Variants in NALCN observed in about 807,000 individuals in gnomAD.
The protein encoded by NALCN is sodium leak channel, non-selective, also known as sodium leak channel NALCN.
NALCN carries 111 observed loss-of-function variants against 225.3 expected under a neutral mutation model. The observed-to-expected ratio is 0.49, with a 90% confidence interval of 0.42 to 0.58. The LOEUF (loss-of-function observed/expected upper bound fraction) is 0.58, where lower values mean the gene tolerates loss of function less well. Among genes scored for constraint, NALCN ranks in the 20% least tolerant of loss-of-function variants. The probability of loss-of-function intolerance (pLI) is 0.00; values close to 1 mark genes in which losing one functional copy is unlikely to be tolerated. For synonymous variants in NALCN, 764 were observed against 769.0 expected (o/e 0.99, Z 0.11); for missense variants, 1,378 against 2,202.4 (o/e 0.63, Z 7.49).
chr13:101,385,372 T>G (rs1253628855), intron 3 of NALCN, among the ~76,000 whole-genome samples: 1 of 152,164 alleles, frequency 6.6e-6, no homozygotes, highest in African/African-American at 2.4e-5. Context: ...GCAGACAGTT[T>G]TGGTCCTTTT....
chr13:101,346,087 C>CTCTCTCTCTCTCTCTCTCTCTA lies in NALCN; in HGVS notation c.645-668_645-667insTAGAGAGAGAGAGAGAGAGAGA. Among the ~76,000 whole-genome samples the CTCTCTCTCTCTCTCTCTCTCTA allele has an allele frequency of 5.2e-4, 37 of 70,958 alleles. 1 individual carries two copies. Among genetic ancestry groups the CTCTCTCTCTCTCTCTCTCTCTA allele is most frequent in the East Asian group, 2.5e-3 (6 of 2,390 alleles). The allele number at this position is 70,958 out of a possible 152,430, so 46.6% of individuals were successfully genotyped here. ...TCTCTCTCTCTCTCTCTCTCTCTCT[C>CTCTCTCTCTCTCTCTCTCTCTA]TATATATATATATATATATATATAT... On this transcript the variant is annotated intron_variant, in intron 6 of 43. Transcript: ENST00000251127.
intron 7 of NALCN, among the ~76,000 whole-genome samples, chr13:101,330,183 A>T (rs995885274): frequency 2.0e-5 from 3 of 152,018 alleles, no homozygotes; most frequent in Non-Finnish European, 2.9e-5. Context: ...AATCAACACA[A>T]GGAAATAGAT....
chr13:101,112,893 AAC>A (rs927354968), intron 18 of NALCN, among the ~76,000 whole-genome samples: 4 of 152,124 alleles, frequency 2.6e-5, no homozygotes, highest in Non-Finnish European at 4.4e-5. Flanking sequence ...ATTTAAATAT[AAC>A]ACATATATTA....
chr13:101,090,079 TAC>T (rs1044026582), intron 28 of NALCN, 113 bp from the exon 29 acceptor site: 7 of 1,418,388 alleles, frequency 4.9e-6, no homozygotes, highest in Admixed American at 3.9e-5. Flanking sequence ...TGTGTGTATA[TAC>T]ACACACATAT....
At chr13:101,060,449 ATT>A (rs55697849) in intron 41 of NALCN, among the ~76,000 whole-genome samples, 3,363 of 93,626 alleles carry the variant, frequency 0.036, 80 homozygotes, top group African/African-American at 0.072. Context: ...TGGCTAATTA[ATT>A]TTTTTTTTTT....
intron 6 of NALCN, among the ~76,000 whole-genome samples, chr13:101,346,087 C>CTCTCTCTCTCTCTCTCTATATATATA: frequency 9.7e-4 from 69 of 70,946 alleles, no homozygotes; most frequent in South Asian, 2.2e-3. Flanking sequence ...CTCTCTCTCT[C>CTCTCTCTCTCTCTCTCTATATATATA]TATATATATA....
rs376113480 is a variant in NALCN at position 101,059,888 on chromosome 13, G to T, written c.4835C>A (p.Pro1612His). 31 of 1,613,872 alleles carry T rather than the reference G, an allele frequency of 1.9e-5. No individual in the cohort carries two copies. The highest frequency in any genetic ancestry group is 2.5e-5 in the Non-Finnish European group (30 of 1,179,992). The change falls in exon 42 of 44, where the codon CCC becomes CAC. Residue 1612 changes from proline (P) to histidine (H), a missense_variant. By Grantham distance (77) the Pro-to-His change is moderately conservative. Transcript: ENST00000251127. Reference protein sequence around the residue: ...QQELSRFLNPPSIETTQPSED... With the variant: ...QQELSRFLNPHSIETTQPSED... ...ACTGGGCTGGGTGGTCTCGATGCTGGGCGGGTTCAGAAACCGGCTCAGCTC... is the reference window on the plus strand; with the variant it reads ...ACTGGGCTGGGTGGTCTCGATGCTGTGCGGGTTCAGAAACCGGCTCAGCTC...
intron 7 of NALCN, among the ~76,000 whole-genome samples, chr13:101,334,141 A>C (rs1215353060): frequency 6.6e-6 from 1 of 152,020 alleles, no homozygotes; most frequent in African/African-American, 2.4e-5. Context: ...CTAATGAACG[A>C]ATCCAGAACA....
chr13:101,371,560 G>A (rs1200359315), intron 6 of NALCN, among the ~76,000 whole-genome samples: 1 of 152,172 alleles, frequency 6.6e-6, no homozygotes, highest in Admixed American at 6.6e-5. Context: ...TTGCTGTAAA[G>A]TTGTGATATT....
intron 17 of NALCN, among the ~76,000 whole-genome samples, chr13:101,138,191 T>C (rs1416774209): frequency 3.9e-5 from 6 of 152,238 alleles, no homozygotes; most frequent in Admixed American, 3.3e-4. Context: ...TTCTAAAGGG[T>C]ACAGTTCGCA....
intron 6 of NALCN, among the ~76,000 whole-genome samples, chr13:101,361,699 C>T (rs1049768510): frequency 1.3e-5 from 2 of 152,020 alleles, no homozygotes; most frequent in Non-Finnish European, 2.9e-5. Context: ...CATAACTTAT[C>T]GGGTTGTTAT....
At chr13:101,328,373 G>A (rs533937940) in intron 7 of NALCN, among the ~76,000 whole-genome samples, 39 of 152,160 alleles carry the variant, frequency 2.6e-4, no homozygotes, top group South Asian at 4.1e-4. Flanking sequence ...GTGCGGTGGC[G>A]TGATCTCGGC....
intron 3 of NALCN, among the ~76,000 whole-genome samples, chr13:101,387,018 G>A (rs2047007080): frequency 6.6e-6 from 1 of 151,290 alleles, no homozygotes; most frequent in Non-Finnish European, 1.5e-5. Flanking sequence ...TCAGGAGATC[G>A]AGACCATCCT....
intron 30 of NALCN, among the ~76,000 whole-genome samples, 196 bp from the exon 31 acceptor site, chr13:101,084,000 G>GACATGCTT (rs2033804307): frequency 6.6e-6 from 1 of 152,154 alleles, no homozygotes; most frequent in Non-Finnish European, 1.5e-5. Flanking sequence ...ATGATGACCA[G>GACATGCTT]GTGTTTCAGA....
At chr13:101,313,389 A>C (rs2044427838) in intron 7 of NALCN, among the ~76,000 whole-genome samples, 1 of 152,234 alleles carries the variant, frequency 6.6e-6, no homozygotes, top group Admixed American at 6.5e-5. Context: ...ATCAGAGTGA[A>C]TAGGGAACCT....
intron 14 of NALCN, among the ~76,000 whole-genome samples, chr13:101,189,592 C>G (rs951775705): frequency 2.0e-5 from 3 of 152,142 alleles, no homozygotes; most frequent in African/African-American, 7.2e-5. Context: ...AATCAGATAT[C>G]GAGTGACCAG....
chr13:101,271,840 TTG>T (rs1385399486), intron 10 of NALCN, among the ~76,000 whole-genome samples: 4 of 151,334 alleles, frequency 2.6e-5, no homozygotes, highest in Admixed American at 2.6e-4. Context: ...TGAGTGTGCA[TTG>T]TGAGGTGTGT....
intron 13 of NALCN, among the ~76,000 whole-genome samples, chr13:101,228,475 T>C (rs1831875): frequency 0.044 from 6,621 of 152,110 alleles, 450 homozygotes; most frequent in African/African-American, 0.15. Context: ...ATGGGGGCGG[T>C]TTCCCCCCTG....
In NALCN at chr13:101,089,616, G is replaced by A; in HGVS notation, c.3489+47C>T. On this transcript the variant is annotated intron_variant, in intron 30 of 43. Coordinates refer to ENST00000251127, the MANE Select transcript of NALCN (RefSeq NM_052867.4). This position sits in a 1 kb window ranked among gnomAD's most constrained non-coding sequence, Gnocchi z 4.7. ...AAGAAACAAATAGCTCAAAGTGAGT[G>A]GCTAGAAAAGGCTAAACCCTGTGGT... 1 of 1,534,840 alleles carries A rather than the reference G, an allele frequency of 6.5e-7. No homozygotes were observed. Among genetic ancestry groups the A allele is most frequent in the Non-Finnish European group, 9.0e-7 (1 of 1,113,832 alleles).
Sources: gnomAD v4.1 joint callset for allele counts (sites outside exome capture counted in the v4.1 genomes callset) on GRCh38, gnomAD v4.1.1 for gene constraint, Gnocchi (gnomAD v3.1) non-coding constraint, MANE v1.5 for transcripts, NCBI Gene and HGNC (gene_info 2026-07-23, HGNC 2026-07-21) for gene names.